Variants in OXR1 observed in about 807,000 individuals in gnomAD.
The protein encoded by OXR1 is oxidation resistance protein 1.
Under a neutral mutation model 104.6 loss-of-function variants are expected in OXR1, and 41 were observed. That is an observed-to-expected ratio of 0.39 (90% CI 0.31 to 0.51). The LOEUF (loss-of-function observed/expected upper bound fraction) is 0.51, where lower values mean the gene tolerates loss of function less well. Ranked by LOEUF, OXR1 falls within the 20% of genes least tolerant of loss-of-function variation. OXR1 has a pLI of 0.77. For synonymous variants in OXR1, 348 were observed against 348.4 expected (o/e 1.00, Z 0.01); for missense variants, 955 against 1,031.9 (o/e 0.93, Z 1.02).
At chr8:106,546,273 C>T (rs989686882) in intron 3 of OXR1, among the ~76,000 whole-genome samples, 14 of 152,150 alleles carry the variant, frequency 9.2e-5, no homozygotes, top group Admixed American at 8.5e-4. Flanking sequence ...TAGCTTTCAT[C>T]GTGAATGTCC....
intron 7 of OXR1, among the ~76,000 whole-genome samples, chr8:106,694,934 T>TAA: frequency 7.2e-6 from 1 of 139,796 alleles, no homozygotes; most frequent in South Asian, 2.1e-4. Context: ...TATTTATATA[T>TAA]ATATAAATAT....
Position 106,453,442 on chromosome 8 carries a change from T to C in OXR1, c.24-65501T>C, listed in dbSNP as rs1447372453. The stretch of plus-strand genomic sequence containing the variant: ...AGTTGAAATTGTCTGCTGGATTTCT[T>C]TGATCATGAACTATGAGCAGTAGGA... On this transcript the variant is annotated intron_variant, in intron 2 of 16. Transcript: ENST00000517566. Among the ~76,000 whole-genome samples, 3 of 152,356 alleles carry C rather than the reference T, an allele frequency of 2.0e-5. No homozygotes were observed. The East Asian group carries it at 5.8e-4, about 29-fold the overall frequency.
chr8:106,459,982 A>G lies in OXR1; in HGVS notation c.24-58961A>G, dbSNP rs145778029. On this transcript the variant is annotated intron_variant, in intron 2 of 16. Coordinates refer to ENST00000517566, the MANE Select transcript of OXR1 (RefSeq NM_001198533.2). ...CTATAGAGTTGACTGTTGACTGTCAACTCCTCACAGTCACTTATTCATTAA... is the reference window on the plus strand; with the variant it reads ...CTATAGAGTTGACTGTTGACTGTCAGCTCCTCACAGTCACTTATTCATTAA... 5.1e-3 allele frequency among the ~76,000 whole-genome samples: 773 copies of G among 152,066 alleles called. 4 individuals carry two copies. Among genetic ancestry groups the G allele is most frequent in the Middle Eastern group, 0.027 (8 of 294 alleles).
At chr8:106,273,440 T>C (rs1811900419) in intron 1 of OXR1, among the ~76,000 whole-genome samples, 1 of 152,202 alleles carries the variant, frequency 6.6e-6, no homozygotes, top group Non-Finnish European at 1.5e-5. Flanking sequence ...ATACTGACAA[T>C]GTCTGGAGAC....
chr8:106,663,477 G>T (rs930340313), intron 3 of OXR1, among the ~76,000 whole-genome samples: 1 of 152,144 alleles, frequency 6.6e-6, no homozygotes, highest in African/African-American at 2.4e-5. Context: ...TCCAATGAGG[G>T]TGTGAGAAAA....
chr8:106,695,813 AT>A (rs1213635345), intron 7 of OXR1, among the ~76,000 whole-genome samples: 2 of 152,078 alleles, frequency 1.3e-5, no homozygotes, highest in East Asian at 3.9e-4. Flanking sequence ...GGTCCATTGA[AT>A]TTTTTTTAAT....
chr8:106,619,118 C>G (rs1269098483), intron 3 of OXR1, among the ~76,000 whole-genome samples: 2 of 151,964 alleles, frequency 1.3e-5, no homozygotes, highest in African/African-American at 4.8e-5. Flanking sequence ...AAGTAATTAC[C>G]ATTACTAGGT....
intron 11 of OXR1, among the ~76,000 whole-genome samples, chr8:106,717,117 C>T (rs947563426): frequency 7.2e-5 from 11 of 151,848 alleles, no homozygotes; most frequent in East Asian, 1.9e-4. Flanking sequence ...ACCTGGGAGG[C>T]GGAGATTGCA....
chr8:106,720,399 T>C (rs1587233435), intron 11 of OXR1, among the ~76,000 whole-genome samples: 1 of 152,182 alleles, frequency 6.6e-6, no homozygotes, highest in African/African-American at 2.4e-5. Flanking sequence ...ACTTCAGGTG[T>C]TGTGTTAAAC....
chr8:106,615,169 C>T (rs1821114338), intron 3 of OXR1, among the ~76,000 whole-genome samples: 1 of 151,994 alleles, frequency 6.6e-6, no homozygotes, highest in Non-Finnish European at 1.5e-5. Context: ...GTGGCTCGTG[C>T]CTGTAATCCC....
intron 3 of OXR1, among the ~76,000 whole-genome samples, chr8:106,674,107 C>A (rs916922750): frequency 6.6e-6 from 1 of 152,108 alleles, no homozygotes; most frequent in Non-Finnish European, 1.5e-5. Flanking sequence ...AATGGTAAAT[C>A]CACTGACAGC....
At position 106,742,216 on chromosome 8, in the gene OXR1, C is replaced by A. The variant is rs1373613642; in HGVS notation, c.2317-6C>A. 1 of 1,542,578 alleles carries A rather than the reference C, an allele frequency of 6.5e-7. No homozygotes were observed. Among genetic ancestry groups the A allele is most frequent in the Non-Finnish European group, 9.0e-7 (1 of 1,116,694 alleles). The stretch of plus-strand genomic sequence containing the variant: ...GTGTCATTGAATATGCCTTTTTTAT[C>A]CTTAGGTTTTTGGTGCGTTAGCATC... On this transcript the variant is annotated splice_polypyrimidine_tract_variant and splice_region_variant and intron_variant, in intron 14 of 16. Transcript: ENST00000517566.
At chr8:106,594,524 T>C (rs1304075732) in intron 3 of OXR1, among the ~76,000 whole-genome samples, 1 of 152,154 alleles carries the variant, frequency 6.6e-6, no homozygotes, top group Non-Finnish European at 1.5e-5. Context: ...AGAACCTTAT[T>C]AGTTGAGAGT....
At chr8:106,642,709 C>T (rs1422234861) in intron 3 of OXR1, among the ~76,000 whole-genome samples, 1 of 152,180 alleles carries the variant, frequency 6.6e-6, no homozygotes, top group Non-Finnish European at 1.5e-5. Context: ...TACAGCTAGC[C>T]ATTCTGTAGC....
intron 11 of OXR1, among the ~76,000 whole-genome samples, chr8:106,720,214 G>A (rs1001643748): frequency 2.0e-5 from 3 of 152,238 alleles, no homozygotes; most frequent in East Asian, 3.9e-4. Flanking sequence ...CAACTTTGGC[G>A]GAACCTTTGC....
chr8:106,296,995 C>T (rs559711312), intron 1 of OXR1, among the ~76,000 whole-genome samples: 4 of 152,250 alleles, frequency 2.6e-5, no homozygotes, highest in African/African-American at 7.2e-5. Context: ...GTGATGGTAA[C>T]GCTACTCAAC....
At chr8:106,728,198 C>T (rs1476176582) in intron 11 of OXR1, among the ~76,000 whole-genome samples, 2 of 132,616 alleles carry the variant, frequency 1.5e-5, no homozygotes, top group Admixed American at 8.3e-5. Context: ...TGACAAGGGG[C>T]TCTTATGCTT....
intron 2 of OXR1, among the ~76,000 whole-genome samples, chr8:106,507,200 A>T (rs549909005): frequency 1.3e-5 from 2 of 152,320 alleles, no homozygotes; most frequent in Non-Finnish European, 2.9e-5. Flanking sequence ...GGGAGTGGTT[A>T]AAAAAAGTTG....
At chr8:106,516,594 G>T (rs988407030) in intron 2 of OXR1, among the ~76,000 whole-genome samples, 1 of 152,116 alleles carries the variant, frequency 6.6e-6, no homozygotes. Flanking sequence ...TACTCTGTCA[G>T]TTTCTAGGAG....
Sources: gnomAD v4.1 joint callset for allele counts (sites outside exome capture counted in the v4.1 genomes callset) on GRCh38, gnomAD v4.1.1 for gene constraint, MANE v1.5 for transcripts, NCBI Gene and HGNC (gene_info 2026-07-23, HGNC 2026-07-21) for gene names.